STK33: variants seen among roughly 807,000 people sequenced by gnomAD.
STK33 encodes the protein serine/threonine kinase 33.
Under a neutral mutation model 58.0 loss-of-function variants are expected in STK33, and 52 were observed. The observed-to-expected ratio is 0.90, with a 90% CI of 0.72 to 1.13. The LOEUF is 1.13. Among genes scored for constraint, STK33 ranks in the 50% most tolerant of loss-of-function variants. The probability of loss-of-function intolerance (pLI) is 0.00; values close to 1 mark genes in which losing one functional copy is unlikely to be tolerated. For missense variants in STK33, 630 were observed against 604.2 expected (o/e 1.04, Z -0.45); for synonymous variants, 215 against 200.1 (o/e 1.07, Z -0.63).
At chr11:8,450,563 A>G (rs995347284) in intron 11 of STK33, among the ~76,000 whole-genome samples, 1 of 152,164 alleles carries the variant, frequency 6.6e-6, no homozygotes, top group African/African-American at 2.4e-5. Context: ...AATAATAAAA[A>G]AAAGTTCATG....
At chr11:8,523,025 C>G (rs916901955) in intron 1 of STK33, among the ~76,000 whole-genome samples, 1 of 152,198 alleles carries the variant, frequency 6.6e-6, no homozygotes, top group African/African-American at 2.4e-5. Flanking sequence ...AGCTCCTGAC[C>G]GCGAGTGATC....
intron 1 of STK33, among the ~76,000 whole-genome samples, chr11:8,485,824 G>A (rs907668718): frequency 3.3e-5 from 5 of 152,254 alleles, no homozygotes; most frequent in South Asian, 2.1e-4. Context: ...CTACTTTCTC[G>A]TCAGTAATAT....
chr11:8,529,033 T>C (rs1209545228), intron 1 of STK33, among the ~76,000 whole-genome samples: 1 of 152,224 alleles, frequency 6.6e-6, no homozygotes, highest in Admixed American at 6.5e-5. Context: ...TAAGTCAGTA[T>C]GGCTATATGG....
At chr11:8,519,602 T>C (rs1953185944) in intron 1 of STK33, among the ~76,000 whole-genome samples, 1 of 151,952 alleles carries the variant, frequency 6.6e-6, no homozygotes, top group Admixed American at 6.6e-5. Context: ...CTAGCAAGAC[T>C]AATAAAGAAG....
At chr11:8,369,295 CTGTG>C in the STK33 span, among the ~76,000 whole-genome samples, 4,470 of 137,682 alleles carry the variant, frequency 0.032, 148 homozygotes, top group African/African-American at 0.09. Context: ...GGTTTTTACT[CTGTG>C]TGTGTGTGTG....
At chr11:8,432,898 G>C (rs1943586535) in intron 14 of STK33, among the ~76,000 whole-genome samples, 1 of 152,154 alleles carries the variant, frequency 6.6e-6, no homozygotes, top group African/African-American at 2.4e-5. Flanking sequence ...ATTTGGCAAA[G>C]ACTTCATAGA....
At chr11:8,419,183 T>C (rs935199748) in intron 14 of STK33, among the ~76,000 whole-genome samples, 5 of 152,218 alleles carry the variant, frequency 3.3e-5, no homozygotes, top group African/African-American at 1.2e-4. Flanking sequence ...TGGTGTTGCC[T>C]AGATTGTCTT....
At chr11:8,455,512 TA>T (rs1159226510) in intron 9 of STK33, among the ~76,000 whole-genome samples, 4 of 152,138 alleles carry the variant, frequency 2.6e-5, no homozygotes, top group Non-Finnish European at 4.4e-5. Flanking sequence ...TCCCTAGACT[TA>T]AAAAGTTATA....
intron 1 of STK33, among the ~76,000 whole-genome samples, chr11:8,489,976 C>G (rs1399284477): frequency 1.3e-5 from 2 of 152,138 alleles, no homozygotes; most frequent in African/African-American, 4.8e-5. Flanking sequence ...AGGAACAGCT[C>G]TGGTCTACAG....
At chr11:8,371,774 T>C in the STK33 span, among the ~76,000 whole-genome samples, 1 of 128,760 alleles carries the variant, frequency 7.8e-6, no homozygotes, top group African/African-American at 2.7e-5. Flanking sequence ...TTTCCCTCCA[T>C]CCCTTCGTTC....
chr11:8,337,469 C>T, the STK33 span, among the ~76,000 whole-genome samples: 1 of 152,134 alleles, frequency 6.6e-6, no homozygotes, highest in African/African-American at 2.4e-5. Context: ...TCTGCGCCCT[C>T]CTCACCACCC....
chr11:8,389,091 G>A (rs1372006530), downstream of STK33, among the ~76,000 whole-genome samples: 1 of 151,398 alleles, frequency 6.6e-6, no homozygotes, highest in Non-Finnish European at 1.5e-5. Context: ...ACTTAAATGC[G>A]GAAGCTGAGG....
At chr11:8,439,266 T>C (rs1004450258) in intron 12 of STK33, among the ~76,000 whole-genome samples, 5 of 152,094 alleles carry the variant, frequency 3.3e-5, no homozygotes, top group Admixed American at 3.3e-4. Context: ...TAATCTAAGG[T>C]CTCTGTCCTC....
At chr11:8,353,939 T>C in the STK33 span, among the ~76,000 whole-genome samples, 7 of 152,136 alleles carry the variant, frequency 4.6e-5, no homozygotes. Context: ...TTGGCAGCCA[T>C]GGGCCACAGC....
At chr11:8,575,038 T>C (rs1004433068) in intron 1 of STK33, among the ~76,000 whole-genome samples, 1 of 152,070 alleles carries the variant, frequency 6.6e-6, no homozygotes, top group Non-Finnish European at 1.5e-5. Flanking sequence ...AGCAAGACCC[T>C]GTCTCAAAAA....
At chr11:8,490,367 G>C (rs1301432301) in intron 1 of STK33, among the ~76,000 whole-genome samples, 2 of 152,142 alleles carry the variant, frequency 1.3e-5, no homozygotes, top group East Asian at 3.9e-4. Flanking sequence ...GCAGGGGGAG[G>C]GGCGTCCACC....
At chr11:8,482,386 G>A (rs1229945932) in intron 1 of STK33, among the ~76,000 whole-genome samples, 2 of 152,258 alleles carry the variant, frequency 1.3e-5, no homozygotes, top group East Asian at 3.9e-4. Context: ...CAAGAGAACA[G>A]GCCAAATGAG....
At chr11:8,391,164 T>G (rs1016793634), downstream of STK33, among the ~76,000 whole-genome samples, 1 of 152,184 alleles carries the variant, frequency 6.6e-6, no homozygotes, top group South Asian at 2.1e-4. Flanking sequence ...AAAGACTGGC[T>G]TACTAAACCC....
intron 15 of STK33, among the ~76,000 whole-genome samples, chr11:8,403,755 T>C (rs1590785364): frequency 6.6e-6 from 1 of 152,226 alleles, no homozygotes; most frequent in African/African-American, 2.4e-5. Context: ...GGGCTCCATG[T>C]GTGCAAGGGG....
Sources: allele counts gnomAD v4.1 joint callset (sites outside exome capture counted in the v4.1 genomes callset), GRCh38; gene constraint gnomAD v4.1.1; transcripts MANE v1.5; gene names NCBI Gene and HGNC (gene_info 2026-07-23, HGNC 2026-07-21).